The following ACACA variants were observed in gnomAD, a reference collection of about 807,000 sequenced individuals.
ACACA encodes acetyl-CoA carboxylase alpha.
Under a neutral mutation model 296.1 loss-of-function variants are expected in ACACA, and 103 were observed. The ratio of observed to expected loss-of-function variants is 0.35; its 90% CI spans 0.30 to 0.41. The LOEUF (loss-of-function observed/expected upper bound fraction) is 0.41. ACACA is among the 10% of genes least tolerant of loss of function. The pLI is 1.00. For missense variants in ACACA, 1,554 were observed against 2,989.7 expected (o/e 0.52, Z 11.20); for synonymous variants, 953 against 1,038.6 (o/e 0.92, Z 1.58).
At chr17:37,304,925 G>A (rs1473453583) in intron 3 of ACACA, among the ~76,000 whole-genome samples, 4 of 152,064 alleles carry the variant, frequency 2.6e-5, no homozygotes, top group South Asian at 2.1e-4. Context: ...GTAAGACTCT[G>A]TCCCTATAAA....
At chr17:37,300,687 G>A (rs182772779) in intron 3 of ACACA, among the ~76,000 whole-genome samples, 18 of 151,996 alleles carry the variant, frequency 1.2e-4, no homozygotes, top group African/African-American at 4.1e-4. Flanking sequence ...AAGGACATTC[G>A]GGCAACTTAA....
chr17:37,194,064 A>C (rs1035853232), intron 35 of ACACA, among the ~76,000 whole-genome samples: 9 of 152,146 alleles, frequency 5.9e-5, no homozygotes, highest in African/African-American at 2.2e-4. Context: ...CCAATTTACT[A>C]GAACCTTATT....
chr17:37,154,339 A>T (rs1000994297), intron 43 of ACACA, among the ~76,000 whole-genome samples: 1 of 152,122 alleles, frequency 6.6e-6, no homozygotes, highest in African/African-American at 2.4e-5. Flanking sequence ...TAAAAAAAGC[A>T]AAAGTAGCCA....
chr17:37,366,241 T>C (rs1279302165), intron 1 of ACACA, among the ~76,000 whole-genome samples: 2 of 152,102 alleles, frequency 1.3e-5, no homozygotes, highest in Non-Finnish European at 2.9e-5. Context: ...AGGTTCAGGT[T>C]TTTCCTGCTA....
intron 54 of ACACA, among the ~76,000 whole-genome samples, chr17:37,092,761 C>G (rs1162294401): frequency 6.6e-6 from 1 of 152,214 alleles, no homozygotes; most frequent in Non-Finnish European, 1.5e-5. Context: ...TAGGGAGGCT[C>G]CTCCCATTTC....
chr17:37,239,875 G>C (rs2145914691), intron 24 of ACACA, among the ~76,000 whole-genome samples: 1 of 152,314 alleles, frequency 6.6e-6, no homozygotes, highest in South Asian at 2.1e-4. Context: ...TTCAGATAAT[G>C]TTTCAAATTC....
intron 3 of ACACA, among the ~76,000 whole-genome samples, chr17:37,285,535 C>T (rs1271345408): frequency 1.3e-5 from 2 of 151,918 alleles, no homozygotes; most frequent in African/African-American, 2.4e-5. Context: ...TCTCCTAGGC[C>T]GGGTGCAGTG....
chr17:37,375,360 G>A (rs753686594), intron 1 of ACACA, among the ~76,000 whole-genome samples: 2 of 151,634 alleles, frequency 1.3e-5, no homozygotes, highest in Admixed American at 1.3e-4. Context: ...GGTAGTGGGC[G>A]CCTGTAGTCC....
At chr17:37,213,070 C>T (rs1282545157) in intron 29 of ACACA, among the ~76,000 whole-genome samples, 1 of 151,938 alleles carries the variant, frequency 6.6e-6, no homozygotes, top group African/African-American at 2.4e-5. Context: ...ATAATTCCAG[C>T]GCTTTGGGAG....
chr17:37,259,599 C>CACTG lies in ACACA; in HGVS notation c.1330-73_1330-70dup, dbSNP rs2081355574. The CACTG allele has an allele frequency of 1.0e-5, 16 of 1,557,826 alleles. 1 individual carries two copies. In the South Asian group the frequency reaches 1.8e-4, roughly 17 times the overall value. ...CAACTGCTAGACCACTACAGCCTCT[C>CACTG]ACTGACTCAACTGTTCAGTGTGTAT... On this transcript the variant is annotated intron_variant, in intron 11 of 55. Coordinates refer to ENST00000616317, the MANE Select transcript of ACACA (RefSeq NM_198834.3).
At chr17:37,093,464 T>C (rs1288714033) in intron 54 of ACACA, among the ~76,000 whole-genome samples, 3 of 152,108 alleles carry the variant, frequency 2.0e-5, no homozygotes, top group African/African-American at 7.2e-5. Context: ...GAAACTAGCA[T>C]ATTTTGAATG....
chr17:37,401,190 G>C (rs879059082), intron 1 of ACACA, among the ~76,000 whole-genome samples: 59 of 144,234 alleles, frequency 4.1e-4, no homozygotes, highest in African/African-American at 1.4e-3. Context: ...TTTTTCTTTT[G>C]TTTTTCTTTT....
At chr17:37,176,313 C>T (rs1193110456) in intron 41 of ACACA, among the ~76,000 whole-genome samples, 3 of 152,278 alleles carry the variant, frequency 2.0e-5, no homozygotes, top group Non-Finnish European at 2.9e-5. Flanking sequence ...CTGGTAGAGC[C>T]GTCACTTTTG....
At chr17:37,321,942 CAA>C (rs35332296) in intron 3 of ACACA, among the ~76,000 whole-genome samples, 97 of 87,000 alleles carry the variant, frequency 1.1e-3, no homozygotes, top group Non-Finnish European at 1.5e-3. Context: ...GACTCCATCT[CAA>C]AAAAAAAAAA....
In ACACA at chr17:37,086,127, T is replaced by C; in HGVS notation, c.*1189A>G. The C allele has an allele frequency of 4.3e-6, 1 of 232,688 alleles. No individual in the cohort carries two copies. Among genetic ancestry groups the C allele is most frequent in the East Asian group, 8.5e-5 (1 of 11,712 alleles). 14.4% of individuals were successfully genotyped at this position (232,688 alleles called of 1,614,324 possible). Reference sequence around the variant, plus strand: ...AATAATCTTAAGGTCATGTGGATTCTGTGTTTCCTGGAAGCCTCCCTCATC... The same window carrying C: ...AATAATCTTAAGGTCATGTGGATTCCGTGTTTCCTGGAAGCCTCCCTCATC... On this transcript the variant is annotated 3_prime_UTR_variant, in exon 56 of 56. Transcript: ENST00000616317.
intron 41 of ACACA, among the ~76,000 whole-genome samples, chr17:37,168,943 G>A (rs1598046458): frequency 6.6e-6 from 1 of 152,162 alleles, no homozygotes; most frequent in South Asian, 2.1e-4. Context: ...ATTTAGGACT[G>A]TACCACATGT....
chr17:37,287,589 A>C (rs910278521), intron 3 of ACACA, among the ~76,000 whole-genome samples: 1 of 147,870 alleles, frequency 6.8e-6, no homozygotes, highest in Non-Finnish European at 1.5e-5. Context: ...AAAAAAAAAA[A>C]ACAAATATCC....
intron 1 of ACACA, among the ~76,000 whole-genome samples, chr17:37,386,395 C>G (rs2050531184): frequency 6.6e-6 from 1 of 151,944 alleles, no homozygotes; most frequent in African/African-American, 2.4e-5. Flanking sequence ...AGTTCAAGAC[C>G]AGCCTGACCA....
intron 1 of ACACA, among the ~76,000 whole-genome samples, chr17:37,381,266 AC>A (rs1221162261): frequency 1.3e-5 from 2 of 151,588 alleles, no homozygotes; most frequent in Non-Finnish European, 1.5e-5. Flanking sequence ...TCTCACTGCA[AC>A]CTCCTCCTCC....
Sources: gnomAD v4.1 joint callset for allele counts (sites outside exome capture counted in the v4.1 genomes callset) on GRCh38, gnomAD v4.1.1 for gene constraint, MANE v1.5 for transcripts, NCBI Gene and HGNC (gene_info 2026-07-23, HGNC 2026-07-21) for gene names.